The following KCNIP1 variants were observed in gnomAD, a reference collection of about 807,000 sequenced individuals.
KCNIP1 encodes A-type potassium channel modulatory protein KCNIP1.
A neutral mutation model predicts 33.0 loss-of-function variants in KCNIP1; 18 were observed. The ratio of observed to expected loss-of-function variants is 0.55; its 90% CI spans 0.38 to 0.81. The LOEUF (loss-of-function observed/expected upper bound fraction) is 0.81. Ranked by LOEUF, KCNIP1 falls within the 30% of genes least tolerant of loss-of-function variation. KCNIP1 has a pLI of 0.00. For synonymous variants in KCNIP1, 93 were observed against 98.3 expected, an observed-to-expected ratio of 0.95 and a Z score of 0.32; for missense variants, 238 against 271.6, an observed-to-expected ratio of 0.88 and a Z score of 0.87.
intron 1 of KCNIP1, among the ~76,000 whole-genome samples, chr5:170,521,796 G>T (rs1755372720): frequency 6.6e-6 from 1 of 152,220 alleles, no homozygotes; most frequent in Non-Finnish European, 1.5e-5. Context: ...AACCCTAGCT[G>T]CTATAACAAA....
intron 1 of KCNIP1, among the ~76,000 whole-genome samples, chr5:170,618,280 C>T (rs572467187): frequency 1.3e-5 from 2 of 151,778 alleles, no homozygotes; most frequent in Non-Finnish European, 2.9e-5. Context: ...ACTTTGGTTT[C>T]AAAGTTCTGA....
intron 1 of KCNIP1, among the ~76,000 whole-genome samples, chr5:170,522,625 C>A (rs924199266): frequency 1.3e-5 from 2 of 152,240 alleles, no homozygotes; most frequent in Non-Finnish European, 2.9e-5. Flanking sequence ...GTAAATGCCA[C>A]CTTGTGAGGT....
rs530880935 is a variant in KCNIP1, at chr5:170,367,477, G to A, written c.88+13513G>A. Among the ~76,000 whole-genome samples, 6 of 151,450 alleles carry A rather than the reference G, an allele frequency of 4.0e-5. No homozygotes were observed. In the South Asian group the frequency reaches 1.2e-3, roughly 31 times the overall value. On this transcript the variant is annotated intron_variant, in intron 1 of 7. Transcript: ENST00000377360. The stretch of plus-strand genomic sequence containing the variant: ...GAAAGAAAGAAAGAAAGAATGTGCA[G>A]CACCCAGCACAAGACCTGGCATAGA...
chr5:170,544,133 C>A (rs952830847), intron 1 of KCNIP1, among the ~76,000 whole-genome samples: 2 of 152,076 alleles, frequency 1.3e-5, no homozygotes, highest in Non-Finnish European at 2.9e-5. Context: ...CGACAAGAGA[C>A]CGGGCGTGGT....
intron 1 of KCNIP1, among the ~76,000 whole-genome samples, chr5:170,518,998 G>A (rs755663233): frequency 6.6e-6 from 1 of 152,124 alleles, no homozygotes; most frequent in African/African-American, 2.4e-5. Context: ...TGCCTCCACA[G>A]CCCACCCACC....
upstream of KCNIP1, chr5:170,504,016 C>G: frequency 1.0e-6 from 1 of 985,116 alleles, no homozygotes; most frequent in Non-Finnish European, 1.2e-6. This position sits in a 1 kb window ranked among gnomAD's most constrained non-coding sequence, Gnocchi z 6.0. Context: ...CCCTCCGCCG[C>G]TCCGACTCTC....
intron 1 of KCNIP1, among the ~76,000 whole-genome samples, chr5:170,619,170 T>A (rs1008269941): frequency 1.3e-5 from 2 of 152,166 alleles, no homozygotes; most frequent in African/African-American, 4.8e-5. Context: ...CACTTAATAG[T>A]TTAACTTTTC....
chr5:170,506,913 C>G (rs1032923019), intron 1 of KCNIP1, among the ~76,000 whole-genome samples: 2 of 152,226 alleles, frequency 1.3e-5, no homozygotes, highest in African/African-American at 4.8e-5. Context: ...GAATGCTAAT[C>G]AGCAGAAGAC....
At chr5:170,482,882 G>A (rs1757005469) in intron 1 of KCNIP1, among the ~76,000 whole-genome samples, 1 of 152,336 alleles carries the variant, frequency 6.6e-6, no homozygotes, top group South Asian at 2.1e-4. Context: ...ATTATCAGGA[G>A]AAGCATTTTG....
chr5:170,447,154 C>T (rs370446528), intron 1 of KCNIP1, among the ~76,000 whole-genome samples: 1 of 152,160 alleles, frequency 6.6e-6, no homozygotes, highest in Non-Finnish European at 1.5e-5. Context: ...GCTCCTACTG[C>T]ATGTCTTGTA....
intron 1 of KCNIP1, among the ~76,000 whole-genome samples, chr5:170,472,407 C>T (rs1756752721): frequency 6.6e-6 from 1 of 152,130 alleles, no homozygotes; most frequent in South Asian, 2.1e-4. Flanking sequence ...CTCTGATGAT[C>T]ACAGTAATAA....
intron 1 of KCNIP1, among the ~76,000 whole-genome samples, chr5:170,439,888 C>T (rs2113028324): frequency 6.6e-6 from 1 of 152,326 alleles, no homozygotes; most frequent in Middle Eastern, 3.4e-3. Flanking sequence ...CCCATCCCTT[C>T]CTTCATACAA....
At chr5:170,409,953 A>C (rs1755138197) in intron 1 of KCNIP1, among the ~76,000 whole-genome samples, 1 of 152,020 alleles carries the variant, frequency 6.6e-6, no homozygotes, top group African/African-American at 2.4e-5. Flanking sequence ...GTAAATATCT[A>C]AGAGGCTAGC....
intron 1 of KCNIP1, among the ~76,000 whole-genome samples, chr5:170,669,986 C>A (rs1475246777): frequency 6.6e-6 from 1 of 152,058 alleles, no homozygotes; most frequent in Non-Finnish European, 1.5e-5. Context: ...ACCAATTAAA[C>A]CAGGAGAGAA....
At chr5:170,603,429 G>A (rs1758777730) in intron 1 of KCNIP1, among the ~76,000 whole-genome samples, 1 of 152,236 alleles carries the variant, frequency 6.6e-6, no homozygotes, top group Non-Finnish European at 1.5e-5. Context: ...CTGGTTCCAT[G>A]TTGAGCTCCT....
chr5:170,416,124 C>A (rs73800663), intron 1 of KCNIP1, among the ~76,000 whole-genome samples: 1,695 of 152,086 alleles, frequency 0.011, 29 homozygotes, highest in African/African-American at 0.039. Context: ...CACCCCTGGC[C>A]CACTCTCACT....
intron 1 of KCNIP1, among the ~76,000 whole-genome samples, chr5:170,496,358 G>C (rs1348389918): frequency 6.6e-6 from 1 of 152,200 alleles, no homozygotes; most frequent in Admixed American, 6.5e-5. Flanking sequence ...AGGAGGACTT[G>C]GAGCTACATG....
intron 1 of KCNIP1, among the ~76,000 whole-genome samples, chr5:170,388,097 G>C (rs1475880509): frequency 6.6e-6 from 1 of 152,218 alleles, no homozygotes; most frequent in East Asian, 1.9e-4. Context: ...GCACTCCTGA[G>C]GCTGGTGAAG....
intron 1 of KCNIP1, among the ~76,000 whole-genome samples, chr5:170,686,213 G>C (rs976515263): frequency 2.0e-5 from 3 of 152,204 alleles, no homozygotes; most frequent in Non-Finnish European, 4.4e-5. Context: ...AACCTGCTTT[G>C]TAGGTACATA....
Sources: gnomAD v4.1 joint callset for allele counts (sites outside exome capture counted in the v4.1 genomes callset) on GRCh38, gnomAD v4.1.1 for gene constraint, Gnocchi (gnomAD v3.1) non-coding constraint, MANE v1.5 for transcripts, NCBI Gene and HGNC (gene_info 2026-07-23, HGNC 2026-07-21) for gene names.